Variants in ATP10B observed in about 807,000 individuals in gnomAD.
ATP10B encodes the protein phospholipid-transporting ATPase VB.
Under a neutral mutation model 141.2 loss-of-function variants are expected in ATP10B, and 122 were observed. That is an observed-to-expected ratio of 0.86 (90% CI 0.75 to 1.00). The LOEUF (loss-of-function observed/expected upper bound fraction) is 1.00. Among genes scored for constraint, ATP10B ranks in the 50% least tolerant of loss-of-function variants. The pLI is 0.00. For missense variants in ATP10B, 1,876 were observed against 1,825.3 expected (o/e 1.03, Z -0.51); for synonymous variants, 685 against 692.0 (o/e 0.99, Z 0.16).
intron 13 of ATP10B, among the ~76,000 whole-genome samples, chr5:160,628,491 A>G (rs1758728499): frequency 6.6e-6 from 1 of 152,180 alleles, no homozygotes. Context: ...GTGCTGCATA[A>G]ATCTCTTCCA....
intron 6 of ATP10B, among the ~76,000 whole-genome samples, chr5:160,681,036 G>A (rs955925557): frequency 6.6e-6 from 1 of 152,216 alleles, no homozygotes; most frequent in Non-Finnish European, 1.5e-5. Context: ...GGATTGGTGA[G>A]AGCTGGATCT....
At chr5:160,850,391 G>A (rs1047932321) in intron 1 of ATP10B, among the ~76,000 whole-genome samples, 6 of 151,928 alleles carry the variant, frequency 3.9e-5, no homozygotes, top group Admixed American at 1.3e-4. Flanking sequence ...GCCACTGCAC[G>A]CCAGCCTGGG....
At position 160,632,229 on chromosome 5, in the gene ATP10B, C is replaced by G. The variant is rs1337159788; in HGVS notation, c.1520G>C (p.Arg507Thr). Residue 507 changes from arginine (R) to threonine (T), a missense_variant, in exon 13 of 26, where the codon AGG becomes ACG. Transcript: ENST00000327245. ...RSQKGAQPLR[R>T]SQSARVPIQG... ...GATGGGCACCCGGGCACTCTGGCTCCTCCTCAGAGGCTGAGCACCTTTTTG... is the reference window on the plus strand; with the variant it reads ...GATGGGCACCCGGGCACTCTGGCTCGTCCTCAGAGGCTGAGCACCTTTTTG... 6.2e-7 allele frequency: 1 copy of G among 1,614,066 alleles called. No homozygotes were observed. Among genetic ancestry groups the G allele is most frequent in the East Asian group, 2.2e-5 (1 of 44,888 alleles).
At chr5:160,772,764 T>A (rs1284167377) in intron 2 of ATP10B, among the ~76,000 whole-genome samples, 1 of 152,082 alleles carries the variant, frequency 6.6e-6, no homozygotes, top group Non-Finnish European at 1.5e-5. Context: ...GGCCTGGGGG[T>A]TGGGGAACCC....
At chr5:160,832,090 G>C (rs1031261858) in intron 1 of ATP10B, among the ~76,000 whole-genome samples, 6 of 148,922 alleles carry the variant, frequency 4.0e-5, no homozygotes. Flanking sequence ...CAAGTAATCA[G>C]AACATCCAAG....
At chr5:160,624,105 G>A (rs1190627057) in intron 13 of ATP10B, among the ~76,000 whole-genome samples, 2 of 152,198 alleles carry the variant, frequency 1.3e-5, no homozygotes, top group African/African-American at 2.4e-5. Flanking sequence ...TTAGAAGACA[G>A]TCAATGGCTG....
chr5:160,604,713 C>T (rs1291113271), intron 19 of ATP10B, among the ~76,000 whole-genome samples: 1 of 151,716 alleles, frequency 6.6e-6, no homozygotes, highest in Non-Finnish European at 1.5e-5. Context: ...TAGACACACA[C>T]ACACACATAA....
the ATP10B span, among the ~76,000 whole-genome samples, chr5:160,883,482 A>C: frequency 1.1e-5 from 1 of 91,512 alleles, no homozygotes; most frequent in South Asian, 3.4e-4. Flanking sequence ...GGTGGTGTGT[A>C]GTGATTTTTT....
intron 24 of ATP10B, among the ~76,000 whole-genome samples, chr5:160,573,877 G>A (rs770885364): frequency 2.4e-4 from 37 of 152,108 alleles, no homozygotes; most frequent in Non-Finnish European, 4.6e-4. Context: ...TTTTCTGATC[G>A]ATGAATATTT....
rs1222872930 is a variant in ATP10B at position 160,711,766 on chromosome 5, T to A, written c.-205+5143A>T. Among the ~76,000 whole-genome samples, 312 of 60,496 alleles carry A rather than the reference T, an allele frequency of 5.2e-3. 4 individuals are homozygous for A. Among genetic ancestry groups the A allele is most frequent in the African/African-American group, 0.019 (301 of 15,620 alleles). 39.7% of individuals were successfully genotyped at this position (60,496 alleles called of 152,430 possible). ...CTGTGGGTTTGTCATAGATAGCTCTTATTATTTTGAAATATGTCCCATCAA... is the reference window on the plus strand; with the variant it reads ...CTGTGGGTTTGTCATAGATAGCTCTAATTATTTTGAAATATGTCCCATCAA... On this transcript the variant is annotated intron_variant, in intron 3 of 25. Coordinates refer to ENST00000327245, the MANE Select transcript of ATP10B (RefSeq NM_025153.3).
the ATP10B span, among the ~76,000 whole-genome samples, chr5:160,872,784 A>T: frequency 6.6e-6 from 1 of 152,054 alleles, no homozygotes; most frequent in Non-Finnish European, 1.5e-5. Flanking sequence ...ACGGCCTTAG[A>T]GTATAGTTTG....
intron 2 of ATP10B, among the ~76,000 whole-genome samples, chr5:160,746,561 T>C (rs1472511496): frequency 1.3e-5 from 2 of 151,904 alleles, no homozygotes; most frequent in Non-Finnish European, 2.9e-5. Context: ...CCAGCTAATT[T>C]TGGTATTTTT....
chr5:160,892,657 C>T, the ATP10B span, among the ~76,000 whole-genome samples: 1 of 152,214 alleles, frequency 6.6e-6, no homozygotes, highest in East Asian at 1.9e-4. Context: ...CATGATTTGT[C>T]TTCCATCCCT....
Position 160,632,248 on chromosome 5 carries a change from C to T in ATP10B, c.1501G>A (p.Gly501Ser), listed in dbSNP as rs1444200377. The change falls in exon 13 of 26, where the codon GGT becomes AGT. Residue 501 changes from glycine to serine, a missense_variant. Physicochemically the swap from Gly to Ser is moderately conservative, Grantham distance 56. Transcript: ENST00000327245. Reference sequence around the variant, plus strand: ...TGGCTCCTCCTCAGAGGCTGAGCACCTTTTTGGCTTCTCATAGTTGCTGGA... The same window carrying T: ...TGGCTCCTCCTCAGAGGCTGAGCACTTTTTTGGCTTCTCATAGTTGCTGGA... ...QDPATMRSQK[G>S]AQPLRRSQSA... 6.2e-7 allele frequency: 1 copy of T among 1,614,192 alleles called. No homozygotes were observed. The highest frequency in any genetic ancestry group is 1.1e-5 in the South Asian group (1 of 91,086).
chr5:160,880,761 A>G, the ATP10B span, among the ~76,000 whole-genome samples: 2 of 152,344 alleles, frequency 1.3e-5, no homozygotes, highest in South Asian at 2.1e-4. Context: ...AAATCTAGGC[A>G]CAGATCTTAC....
intron 1 of ATP10B, among the ~76,000 whole-genome samples, chr5:160,789,945 C>T (rs1463498025): frequency 6.6e-6 from 1 of 152,140 alleles, no homozygotes; most frequent in Non-Finnish European, 1.5e-5. Context: ...GCTGAGTATT[C>T]TGAAGATTGG....
chr5:160,881,683 C>T, the ATP10B span, among the ~76,000 whole-genome samples: 5 of 151,844 alleles, frequency 3.3e-5, no homozygotes, highest in African/African-American at 7.3e-5. Flanking sequence ...GTGGGGTGGG[C>T]GCCTGTAGTC....
At chr5:160,596,681 C>T (rs867694532) in intron 22 of ATP10B, among the ~76,000 whole-genome samples, 23 of 151,790 alleles carry the variant, frequency 1.5e-4, no homozygotes, top group African/African-American at 5.3e-4. Context: ...AGCTGATAAG[C>T]AACTTCAGCA....
intron 13 of ATP10B, among the ~76,000 whole-genome samples, chr5:160,629,951 G>C (rs951822363): frequency 4.6e-5 from 7 of 152,216 alleles, no homozygotes; most frequent in Non-Finnish European, 1.0e-4. Flanking sequence ...GGTGGTGAAA[G>C]AGACATAGAA....
Sources: gnomAD v4.1 joint callset for allele counts (sites outside exome capture counted in the v4.1 genomes callset) on GRCh38, gnomAD v4.1.1 for gene constraint, MANE v1.5 for transcripts, NCBI Gene and HGNC (gene_info 2026-07-23, HGNC 2026-07-21) for gene names.